Variants in PCNX4 observed in about 807,000 individuals in gnomAD.
The protein encoded by PCNX4 is pecanex 4, also known as pecanex-like protein 4.
A neutral mutation model predicts 107.2 loss-of-function variants in PCNX4; 103 were observed. The ratio of observed to expected loss-of-function variants is 0.96; its 90% CI spans 0.82 to 1.13. The LOEUF (loss-of-function observed/expected upper bound fraction) is 1.13, where lower values mean the gene tolerates loss of function less well. Ranked by LOEUF, PCNX4 falls within the 50% of genes most tolerant of loss-of-function variation. PCNX4 has a pLI of 0.00. For synonymous variants in PCNX4, 541 were observed against 481.7 expected, an observed-to-expected ratio of 1.12 and a Z score of -1.61; for missense variants, 1,528 against 1,379.4, an observed-to-expected ratio of 1.11 and a Z score of -1.71.
chr14:60,125,807 G>C lies in PCNX4; in HGVS notation c.3251G>C (p.Gly1084Ala). The change falls in exon 10 of 11, where the codon GGG becomes GCG. Residue 1084 changes from glycine (G) to alanine (A), a missense_variant. Gly to Ala is a moderately conservative substitution (Grantham distance 60). Transcript: ENST00000406854. ...LQEKPYLFSL[G>A]YDSNMGIYTG... is the part of the protein sequence containing the mutation. ...GAAAAGCCATACTTGTTTTCTCTGG[G>C]GTATGATTCTAATATGGTAAGGTTA... is the stretch of plus-strand genomic sequence containing the variant. 1 of 1,604,400 alleles carries C rather than the reference G, an allele frequency of 6.2e-7. No individual in the cohort carries two copies. The highest frequency in any genetic ancestry group is 1.3e-5 in the African/African-American group (1 of 74,406).
rs1187596481 is a variant in PCNX4, at chr14:60,095,834, GA to G, written c.-54+3424del. On this transcript the variant is annotated intron_variant, in intron 1 of 10. Transcript: ENST00000406854. ...AGAGGAAAGAAGTAAAAAAGGAAAGGAAAAAAAAAGAAAAAATATATAGGGA... is the reference window on the plus strand; with the variant it reads ...AGAGGAAAGAAGTAAAAAAGGAAAGGAAAAAAAAGAAAAAATATATAGGGA... Among the ~76,000 whole-genome samples, 4 of 148,620 alleles carry G rather than the reference GA, an allele frequency of 2.7e-5. 1 individual carries two copies. The highest frequency in any genetic ancestry group is 4.3e-4 in the South Asian group (2 of 4,652).
intron 8 of PCNX4, among the ~76,000 whole-genome samples, chr14:60,123,919 CTT>C (rs1351910901): frequency 6.6e-6 from 1 of 152,054 alleles, no homozygotes; most frequent in Non-Finnish European, 1.5e-5. Flanking sequence ...GTGGCTCACT[CTT>C]AACTATCATT....
rs1896319212 is a variant in PCNX4 at position 60,142,556 on chromosome 14, C to T, written c.*8335C>T. The T allele has an allele frequency of 6.6e-6, 1 of 152,162 alleles. No homozygotes were observed. The highest frequency in any genetic ancestry group is 1.5e-5 in the Non-Finnish European group (1 of 68,026). The allele number at this position is 152,162 out of a possible 1,614,324, so 9.4% of individuals were successfully genotyped here. A position where few individuals can be genotyped will look rare whatever the true frequency, so the allele number is the denominator to read the frequency against. On this transcript the variant is annotated 3_prime_UTR_variant, in exon 11 of 11. Coordinates refer to ENST00000406854, the MANE Select transcript of PCNX4 (RefSeq NM_001330177.2). The surrounding 1 kb of genome is among the most constrained non-coding windows in gnomAD (Gnocchi z 4.7). ...TACTTTAAAAAAAGTTAAATGTGAACATTTGGCTTTCACAGCTCTTGACTG... is the reference window on the plus strand; with the variant it reads ...TACTTTAAAAAAAGTTAAATGTGAATATTTGGCTTTCACAGCTCTTGACTG...
chr14:60,131,190 T>C (rs1476266142), intron 10 of PCNX4, among the ~76,000 whole-genome samples: 1 of 152,186 alleles, frequency 6.6e-6, no homozygotes, highest in African/African-American at 2.4e-5. Flanking sequence ...GTCTATGGTA[T>C]TTAGTTATAC....
intron 6 of PCNX4, among the ~76,000 whole-genome samples, chr14:60,118,071 G>A (rs1391439975): frequency 6.7e-6 from 1 of 149,636 alleles, no homozygotes; most frequent in Non-Finnish European, 1.5e-5. Flanking sequence ...CAGTGGTTCA[G>A]CCTTAAAGCA....
chr14:60,099,362 G>A (rs546958670), intron 1 of PCNX4, among the ~76,000 whole-genome samples: 1 of 152,130 alleles, frequency 6.6e-6, no homozygotes, highest in Non-Finnish European at 1.5e-5. Flanking sequence ...TGAATACATT[G>A]TATTTATTAC....
rs1228226655 is a variant in PCNX4 at position 60,144,794 on chromosome 14, T to C, written c.*10573T>C. The C allele has an allele frequency of 1.6e-5, 10 of 625,296 alleles. No individual in the cohort carries two copies. Among genetic ancestry groups the C allele is most frequent in the South Asian group, 2.1e-5 (1 of 47,876 alleles). 38.7% of individuals were successfully genotyped at this position (625,296 alleles called of 1,614,324 possible). A position where few individuals can be genotyped will look rare whatever the true frequency, so the allele number is the denominator to read the frequency against. ...GTTAATACCTTTTTTGCAAGATTCA[T>C]GGCAATCTTTTATTATTTATTTTTT... On this transcript the variant is annotated 3_prime_UTR_variant, in exon 11 of 11. Coordinates refer to ENST00000406854, the MANE Select transcript of PCNX4 (RefSeq NM_001330177.2).
intron 8 of PCNX4, 141 bp from the exon 9 acceptor site, chr14:60,124,077 A>T (rs1338766214): frequency 4.9e-6 from 3 of 609,604 alleles, no homozygotes; most frequent in Non-Finnish European, 5.4e-6. Context: ...TTAAGTCAGG[A>T]TGTTGCTCTT....
chr14:60,116,554 T>G (rs1047969780), intron 6 of PCNX4, among the ~76,000 whole-genome samples: 1 of 152,202 alleles, frequency 6.6e-6, no homozygotes, highest in Non-Finnish European at 1.5e-5. Context: ...TGTGGTGATG[T>G]TGGTGTAAAC....
Position 60,141,698 on chromosome 14 carries a change from A to G in PCNX4, c.*7477A>G, listed in dbSNP as rs996991287. On this transcript the variant is annotated 3_prime_UTR_variant, in exon 11 of 11. Transcript: ENST00000406854. ...GAGGTTCTTCCATGTTGTTTTATGT[A>G]TCAATCATTCATTATTTTTTATCGC... 6.6e-6 allele frequency: 1 copy of G among 152,246 alleles called. No individual in the cohort carries two copies. Among genetic ancestry groups the G allele is most frequent in the East Asian group, 1.9e-4 (1 of 5,198 alleles). The allele number at this position is 152,246 out of a possible 1,614,324, so 9.4% of individuals were successfully genotyped here.
Position 60,107,462 on chromosome 14 carries a change from G to A in PCNX4, c.-53-124G>A, listed in dbSNP as rs1895649344. 4.9e-6 allele frequency: 3 copies of A among 608,692 alleles called. No individual in the cohort carries two copies. The Admixed American group carries it at 9.5e-5, about 19-fold the overall frequency. The allele number at this position is 608,692 out of a possible 1,614,324, so 37.7% of individuals were successfully genotyped here. ...AAGTATGTGCCAGAAAGGGGTCTGAGAAGTACAGTTATAAATCCTACCCTT... is the reference window on the plus strand; with the variant it reads ...AAGTATGTGCCAGAAAGGGGTCTGAAAAGTACAGTTATAAATCCTACCCTT... On this transcript the variant is annotated intron_variant, in intron 1 of 10. Transcript: ENST00000406854.
chr14:60,138,051 A>G lies in PCNX4; in HGVS notation c.*3830A>G, dbSNP rs1030512674. On this transcript the variant is annotated 3_prime_UTR_variant, in exon 11 of 11. Transcript: ENST00000406854. ...GGTTTCAGTGAGCCAAGATCATGCC[A>G]CTGCACTCCAGCCTGGGCGACAGAG... 1 of 152,182 alleles carries G rather than the reference A, an allele frequency of 6.6e-6. No homozygotes were observed. The highest frequency in any genetic ancestry group is 1.5e-5 in the Non-Finnish European group (1 of 68,258). 9.4% of individuals were successfully genotyped at this position (152,182 alleles called of 1,614,324 possible).
chr14:60,115,212 A>T lies in PCNX4; in HGVS notation c.1108A>T (p.Thr370Ser), dbSNP rs1423182374. 6.2e-7 allele frequency: 1 copy of T among 1,613,518 alleles called. No individual in the cohort carries two copies. The highest frequency in any genetic ancestry group is 8.5e-7 in the Non-Finnish European group (1 of 1,179,654). Reference protein sequence around the residue: ...IIILVLALLETSLLHHFAGFS... With the variant: ...IIILVLALLESSLLHHFAGFS... ...TATATTAGTCTTGGCTCTTTTAGAAACTAGCTTGCTTCATCACTTTGCTGG... is the reference window on the plus strand; with the variant it reads ...TATATTAGTCTTGGCTCTTTTAGAATCTAGCTTGCTTCATCACTTTGCTGG... Residue 370 changes from threonine (T) to serine (S), a missense_variant, in exon 4 of 11, where the codon ACT becomes TCT. Thr to Ser is a moderately conservative substitution (Grantham distance 58). Transcript: ENST00000406854.
At chr14:60,103,671 A>G (rs147050068) in intron 1 of PCNX4, among the ~76,000 whole-genome samples, 7 of 152,162 alleles carry the variant, frequency 4.6e-5, no homozygotes, top group African/African-American at 1.7e-4. Flanking sequence ...CTACTGTTCT[A>G]CCTCTGCCCT....
intron 1 of PCNX4, among the ~76,000 whole-genome samples, chr14:60,102,535 A>T (rs768653268): frequency 1.3e-5 from 2 of 152,192 alleles, no homozygotes; most frequent in African/African-American, 4.8e-5. Flanking sequence ...TCTTGTGAGT[A>T]ATGTGTAACA....
chr14:60,112,607 G>T (rs1595167997), intron 2 of PCNX4, among the ~76,000 whole-genome samples: 1 of 151,948 alleles, frequency 6.6e-6, no homozygotes, highest in East Asian at 1.9e-4. Context: ...GAGATTTAGG[G>T]GTAGAATCTA....
At chr14:60,092,563 A>G (rs924603326) in intron 1 of PCNX4, 144 bp downstream of exon 1, 1 of 152,260 alleles carries the variant, frequency 6.6e-6, no homozygotes, top group Non-Finnish European at 1.5e-5. Context: ...TTTAAGTGCA[A>G]TTATTGCGCT....
chr14:60,120,420 A>C (rs935190531), intron 7 of PCNX4, among the ~76,000 whole-genome samples: 3 of 150,548 alleles, frequency 2.0e-5, no homozygotes, highest in Non-Finnish European at 2.9e-5. Context: ...ACACAATACG[A>C]GAGTCTTATC....
intron 1 of PCNX4, among the ~76,000 whole-genome samples, chr14:60,099,241 C>T (rs1291404148): frequency 3.9e-5 from 6 of 151,956 alleles, no homozygotes; most frequent in African/African-American, 1.5e-4. Flanking sequence ...TTTTCTTTTC[C>T]AGGTATAAAA....
Sources: gnomAD v4.1 joint callset for allele counts (sites outside exome capture counted in the v4.1 genomes callset) on GRCh38, gnomAD v4.1.1 for gene constraint, Gnocchi (gnomAD v3.1) non-coding constraint, MANE v1.5 for transcripts, NCBI Gene and HGNC (gene_info 2026-07-23, HGNC 2026-07-21) for gene names.